Variants in STEAP1B observed in about 807,000 individuals in gnomAD.
The protein encoded by STEAP1B is STEAP family protein MGC87042.
In STEAP1B, 13 loss-of-function variants were observed where a neutral mutation model predicts 27.9. The ratio of observed to expected loss-of-function variants is 0.47; its 90% CI spans 0.30 to 0.74. The LOEUF (loss-of-function observed/expected upper bound fraction) is 0.74. Ranked by LOEUF, STEAP1B falls within the 30% of genes least tolerant of loss-of-function variation. STEAP1B has a pLI of 0.06. For synonymous variants in STEAP1B, 86 were observed against 107.1 expected (o/e 0.80, Z 1.22); for missense variants, 250 against 298.7 (o/e 0.84, Z 1.20).
intron 4 of STEAP1B, among the ~76,000 whole-genome samples, chr7:22,472,316 G>A (rs1461039540): frequency 6.6e-6 from 1 of 152,278 alleles, no homozygotes; most frequent in East Asian, 1.9e-4. Flanking sequence ...CCAGCCTCCC[G>A]AGTCTGCACT....
chr7:22,423,751 A>T (rs1785072956), intron 4 of STEAP1B, among the ~76,000 whole-genome samples: 1 of 152,222 alleles, frequency 6.6e-6, no homozygotes, highest in Admixed American at 6.5e-5. Flanking sequence ...AAAATAGGCC[A>T]GGCACAGTGT....
At chr7:22,469,225 A>T (rs1785838456) in intron 4 of STEAP1B, among the ~76,000 whole-genome samples, 1 of 152,182 alleles carries the variant, frequency 6.6e-6, no homozygotes, top group Non-Finnish European at 1.5e-5. Flanking sequence ...AATTTTAAGA[A>T]GTAAAAAAGA....
chr7:22,470,468 G>A (rs1032979264), intron 4 of STEAP1B, among the ~76,000 whole-genome samples: 1 of 152,162 alleles, frequency 6.6e-6, no homozygotes, highest in African/African-American at 2.4e-5. Context: ...AATGTAGAAG[G>A]AATGAGGGAA....
intron 4 of STEAP1B, among the ~76,000 whole-genome samples, chr7:22,468,925 T>C (rs1396717333): frequency 6.6e-6 from 1 of 152,264 alleles, no homozygotes; most frequent in Non-Finnish European, 1.5e-5. Flanking sequence ...TTATGTACAG[T>C]ACATAATACT....
chr7:22,487,706 A>G (rs1237388641), intron 4 of STEAP1B, among the ~76,000 whole-genome samples: 1 of 149,806 alleles, frequency 6.7e-6, no homozygotes, highest in Admixed American at 6.7e-5. Flanking sequence ...CTGGAGGCTG[A>G]GGCAGGGGAA....
chr7:22,451,971 T>C (rs1166327208), intron 4 of STEAP1B, among the ~76,000 whole-genome samples: 1 of 152,240 alleles, frequency 6.6e-6, no homozygotes, highest in Non-Finnish European at 1.5e-5. Flanking sequence ...GTATTAGTGG[T>C]TCTTTAAATG....
chr7:22,472,369 C>A (rs139002870), intron 4 of STEAP1B, among the ~76,000 whole-genome samples: 79 of 152,228 alleles, frequency 5.2e-4, no homozygotes, highest in Middle Eastern at 3.4e-3. Context: ...GAAGGCAGGC[C>A]GGACACTCCT....
intron 4 of STEAP1B, 43 bp downstream of exon 4, chr7:22,492,522 A>G: frequency 6.6e-7 from 1 of 1,525,846 alleles, no homozygotes; most frequent in Non-Finnish European, 8.8e-7. Flanking sequence ...CATAAACACA[A>G]AAAGAAGATT....
At chr7:22,484,446 T>A (rs1447850281) in intron 4 of STEAP1B, among the ~76,000 whole-genome samples, 1 of 152,228 alleles carries the variant, frequency 6.6e-6, no homozygotes, top group African/African-American at 2.4e-5. Flanking sequence ...TTACTGCACA[T>A]TTTAAGCCCA....
intron 1 of STEAP1B, among the ~76,000 whole-genome samples, chr7:22,497,318 A>AAG (rs1172851636): frequency 1.3e-5 from 2 of 152,254 alleles, no homozygotes; most frequent in East Asian, 3.8e-4. Flanking sequence ...TCTAAGAAGG[A>AAG]AGATGTTTTC....
chr7:22,462,297 T>G (rs28390322), intron 4 of STEAP1B, among the ~76,000 whole-genome samples: 1 of 149,956 alleles, frequency 6.7e-6, no homozygotes, highest in Admixed American at 6.6e-5. Context: ...TAGTTACATA[T>G]GTATACATGT....
chr7:22,434,073 G>A lies in STEAP1B; in HGVS notation c.763-14237C>T, dbSNP rs139096738. Among the ~76,000 whole-genome samples the A allele has an allele frequency of 2.6e-4, 39 of 152,300 alleles. No homozygotes were observed. The East Asian group carries it at 6.2e-3, about 24-fold the overall frequency. ...CCACGTAAGAAGCACAAGGGTCACC[G>A]GTTACTCTCCATGAGAACAAAAGGC... is the stretch of plus-strand genomic sequence containing the variant. On this transcript the variant is annotated intron_variant, in intron 4 of 4. Transcript: ENST00000678116.
intron 4 of STEAP1B, among the ~76,000 whole-genome samples, chr7:22,467,841 C>T (rs1260184025): frequency 2.0e-5 from 3 of 152,144 alleles, no homozygotes; most frequent in African/African-American, 7.2e-5. Flanking sequence ...AATACCCTAC[C>T]AAGAGATATA....
At chr7:22,466,312 T>C (rs943553757) in intron 4 of STEAP1B, among the ~76,000 whole-genome samples, 14 of 152,154 alleles carry the variant, frequency 9.2e-5, no homozygotes, top group Admixed American at 7.9e-4. Context: ...TACAGATTAT[T>C]TCATCACCCA....
intron 4 of STEAP1B, among the ~76,000 whole-genome samples, chr7:22,474,078 C>T (rs1260654609): frequency 2.0e-5 from 3 of 152,174 alleles, no homozygotes; most frequent in East Asian, 1.9e-4. Flanking sequence ...TCTGTTGTTG[C>T]AGTTCAACTT....
chr7:22,446,557 T>G (rs969499337), intron 4 of STEAP1B, among the ~76,000 whole-genome samples: 1 of 152,242 alleles, frequency 6.6e-6, no homozygotes, highest in Admixed American at 6.5e-5. Flanking sequence ...TACAAGCAAG[T>G]TGTGCAAACC....
intron 4 of STEAP1B, among the ~76,000 whole-genome samples, chr7:22,469,133 G>C (rs1785836812): frequency 6.6e-6 from 1 of 152,160 alleles, no homozygotes; most frequent in Non-Finnish European, 1.5e-5. Context: ...AAGATATAGA[G>C]GTGGAAAGCA....
At chr7:22,424,322 G>C (rs1263070748) in intron 4 of STEAP1B, among the ~76,000 whole-genome samples, 1 of 152,186 alleles carries the variant, frequency 6.6e-6, no homozygotes, top group East Asian at 1.9e-4. Context: ...TAAAAACATA[G>C]TAAGATCTCA....
At chr7:22,456,020 G>A (rs900178380) in intron 4 of STEAP1B, among the ~76,000 whole-genome samples, 11 of 152,010 alleles carry the variant, frequency 7.2e-5, no homozygotes, top group Middle Eastern at 3.2e-3. Flanking sequence ...GGTGGTGAGC[G>A]CCTGTAGTCC....
Sources: allele counts gnomAD v4.1 joint callset (sites outside exome capture counted in the v4.1 genomes callset), GRCh38; gene constraint gnomAD v4.1.1; transcripts MANE v1.5; gene names NCBI Gene and HGNC (gene_info 2026-07-23, HGNC 2026-07-21).